Variants in MAP3K20 observed in about 807,000 individuals in gnomAD.
MAP3K20 encodes HCCS-4.
In MAP3K20, 40 loss-of-function variants were observed where a neutral mutation model predicts 85.7. The observed-to-expected ratio is 0.47, with a 90% CI of 0.36 to 0.61. The LOEUF (loss-of-function observed/expected upper bound fraction) is 0.61. Among genes scored for constraint, MAP3K20 ranks in the 20% least tolerant of loss-of-function variants. The pLI is 0.00. For synonymous variants in MAP3K20, 325 were observed against 327.7 expected, an observed-to-expected ratio of 0.99 and a Z score of 0.09; for missense variants, 817 against 961.7, an observed-to-expected ratio of 0.85 and a Z score of 1.99.
intron 16 of MAP3K20, among the ~76,000 whole-genome samples, chr2:173,252,233 CAG>C (rs1685056460): frequency 6.6e-6 from 1 of 152,178 alleles, no homozygotes; most frequent in Non-Finnish European, 1.5e-5. Context: ...AAACAGCTTG[CAG>C]AGAGTGTAAT....
chr2:173,125,386 G>C lies in MAP3K20; in HGVS notation c.159+34196G>C, dbSNP rs184504074. On this transcript the variant is annotated intron_variant, in intron 2 of 19. Transcript: ENST00000375213. ...TACAGCTTTTTAGCTTGGTGAGCAG[G>C]CTCATCACAGCAAAATAAGGATCTC... 1.9e-3 allele frequency among the ~76,000 whole-genome samples: 290 copies of C among 152,260 alleles called. 3 individuals are homozygous for C. Among genetic ancestry groups the C allele is most frequent in the Middle Eastern group, 0.01 (3 of 294 alleles).
intron 16 of MAP3K20, among the ~76,000 whole-genome samples, chr2:173,240,901 C>G (rs1194570499): frequency 2.6e-5 from 4 of 152,160 alleles, no homozygotes; most frequent in African/African-American, 9.7e-5. Flanking sequence ...ATAAAGAAAA[C>G]ATGGTACATA....
At chr2:173,109,883 C>T (rs1687893595) in intron 2 of MAP3K20, among the ~76,000 whole-genome samples, 2 of 151,962 alleles carry the variant, frequency 1.3e-5, no homozygotes, top group African/African-American at 4.8e-5. Context: ...TTTCCAGAAA[C>T]ATATTTTAAG....
chr2:173,239,329 G>C, intron 15 of MAP3K20, 75 bp from the exon 16 acceptor site: 2 of 1,189,342 alleles, frequency 1.7e-6, no homozygotes, highest in South Asian at 3.5e-5. Context: ...AAAAACTAGT[G>C]CCAAGATATC....
rs546011073 is a variant in MAP3K20 at position 173,180,561 on chromosome 2, A to G, written c.248-2293A>G. On this transcript the variant is annotated intron_variant, in intron 3 of 19. Transcript: ENST00000375213. ...CGTGGTGATGTGCACCTGTAGTCCC[A>G]GCTACTAGAAAGGCTGAGGTGGGAG... Among the ~76,000 whole-genome samples, 4 of 152,304 alleles carry G rather than the reference A, an allele frequency of 2.6e-5. No individual in the cohort carries two copies. In the South Asian group the frequency reaches 8.3e-4, roughly 32 times the overall value.
intron 7 of MAP3K20, among the ~76,000 whole-genome samples, chr2:173,195,688 G>T (rs1690808086): frequency 6.6e-6 from 1 of 152,014 alleles, no homozygotes; most frequent in African/African-American, 2.4e-5. Context: ...CCTGCTTTTT[G>T]ATACATCCCC....
At chr2:173,219,225 C>T (rs984367881) in intron 11 of MAP3K20, among the ~76,000 whole-genome samples, 1 of 152,132 alleles carries the variant, frequency 6.6e-6, no homozygotes, top group African/African-American at 2.4e-5. Context: ...GTTTAGCTTT[C>T]CTGTAGGTGG....
chr2:173,222,573 T>C, intron 11 of MAP3K20: 5 of 985,436 alleles, frequency 5.1e-6, no homozygotes, highest in Non-Finnish European at 6.0e-6. Context: ...TTCCAGCAAG[T>C]GGGGTATGTG....
chr2:173,251,006 C>G lies in MAP3K20; in HGVS notation c.1360-7693C>G, dbSNP rs143683581. 1.1e-3 allele frequency among the ~76,000 whole-genome samples: 166 copies of G among 152,282 alleles called. 2 individuals carry two copies. Among genetic ancestry groups the G allele is most frequent in the African/African-American group, 3.9e-3 (161 of 41,566 alleles). ...ATCACGGGATGTTCCACTCTCCTGC[C>G]TTTAAAACTGCAGGTTTCAGCAGCT... On this transcript the variant is annotated intron_variant, in intron 16 of 19. Transcript: ENST00000375213.
At chr2:173,102,004 A>T (rs1018474068) in intron 2 of MAP3K20, among the ~76,000 whole-genome samples, 1 of 152,182 alleles carries the variant, frequency 6.6e-6, no homozygotes, top group Non-Finnish European at 1.5e-5. Flanking sequence ...ACTTCCAGCC[A>T]TTGTTCCTGG....
chr2:173,152,318 A>G (rs1223601513), intron 2 of MAP3K20, among the ~76,000 whole-genome samples: 1 of 152,204 alleles, frequency 6.6e-6, no homozygotes, highest in Middle Eastern at 3.2e-3. Flanking sequence ...GATAAGCAGT[A>G]TTCAGAAAAT....
At chr2:173,164,292 T>C (rs1040103826) in intron 2 of MAP3K20, among the ~76,000 whole-genome samples, 1 of 152,214 alleles carries the variant, frequency 6.6e-6, no homozygotes, top group African/African-American at 2.4e-5. Context: ...TTGATTTCCA[T>C]TTCTCTAATG....
At chr2:173,103,460 G>A (rs1038283532) in intron 2 of MAP3K20, among the ~76,000 whole-genome samples, 1 of 152,160 alleles carries the variant, frequency 6.6e-6, no homozygotes, top group Admixed American at 6.6e-5. Flanking sequence ...GGAGTATGAA[G>A]TGTTAAAAAG....
At chr2:173,096,723 T>C (rs1687473664) in intron 2 of MAP3K20, among the ~76,000 whole-genome samples, 1 of 152,246 alleles carries the variant, frequency 6.6e-6, no homozygotes, top group Non-Finnish European at 1.5e-5. Flanking sequence ...GTAGAGTGTT[T>C]AATGTTTACT....
intron 17 of MAP3K20, among the ~76,000 whole-genome samples, chr2:173,259,163 GAA>G (rs1369906591): frequency 3.9e-5 from 6 of 151,994 alleles, no homozygotes; most frequent in African/African-American, 1.5e-4. Context: ...TTAAACTTTG[GAA>G]AACTTTTCCC....
At chr2:173,130,392 T>C (rs1024810997) in intron 2 of MAP3K20, among the ~76,000 whole-genome samples, 1 of 152,212 alleles carries the variant, frequency 6.6e-6, no homozygotes, top group African/African-American at 2.4e-5. Flanking sequence ...TATCCATTAA[T>C]GTTTATTATT....
intron 11 of MAP3K20, chr2:173,226,506 T>A: frequency 1.0e-6 from 1 of 985,746 alleles, no homozygotes; most frequent in South Asian, 4.7e-5. Context: ...AAATCTATTC[T>A]CTCCTCTCGA....
chr2:173,237,410 T>C (rs1684679941), intron 14 of MAP3K20, among the ~76,000 whole-genome samples: 1 of 152,142 alleles, frequency 6.6e-6, no homozygotes, highest in Non-Finnish European at 1.5e-5. Flanking sequence ...CAAGCCCTCG[T>C]GTGGAGGAGT....
chr2:173,234,387 G>A (rs1341585641), intron 14 of MAP3K20, among the ~76,000 whole-genome samples: 2 of 152,168 alleles, frequency 1.3e-5, no homozygotes, highest in African/African-American at 2.4e-5. Context: ...TTGTGAGACT[G>A]GGCCTATGAA....
Sources: allele counts gnomAD v4.1 joint callset (sites outside exome capture counted in the v4.1 genomes callset), GRCh38; gene constraint gnomAD v4.1.1; transcripts MANE v1.5; gene names NCBI Gene and HGNC (gene_info 2026-07-23, HGNC 2026-07-21).